Variants in CDH13 observed in about 807,000 individuals in gnomAD.
CDH13 encodes the protein cadherin 13.
In CDH13, 24 loss-of-function variants were observed where a neutral mutation model predicts 63.8. The observed-to-expected ratio is 0.38, with a 90% CI of 0.27 to 0.53. The LOEUF is 0.53. Among genes scored for constraint, CDH13 ranks in the 20% least tolerant of loss-of-function variants. The pLI is 0.85. For missense variants in CDH13, 1,049 were observed against 903.1 expected (o/e 1.16, Z -2.07); for synonymous variants, 503 against 355.3 (o/e 1.42, Z -4.67).
Position 82,644,110 on chromosome 16 carries a change from C to G in CDH13, c.45+16973C>G, listed in dbSNP as rs1178901571. On this transcript the variant is annotated intron_variant, in intron 1 of 13. Coordinates refer to ENST00000567109, the MANE Select transcript of CDH13 (RefSeq NM_001257.5). The surrounding 1 kb of genome is among the most constrained non-coding windows in gnomAD (Gnocchi z 5.7). ...AGAGGAGAGAAATCTAATTGATATG[C>G]TAATTGTCATTGTACTCAAGTTGAT... Among the ~76,000 whole-genome samples the G allele has an allele frequency of 6.6e-6, 1 of 152,196 alleles. No individual in the cohort carries two copies. The highest frequency in any genetic ancestry group is 2.4e-5 in the African/African-American group (1 of 41,520).
intron 8 of CDH13, among the ~76,000 whole-genome samples, chr16:83,664,568 A>G (rs1254209191): frequency 6.6e-6 from 1 of 150,824 alleles, no homozygotes; most frequent in East Asian, 1.9e-4. Flanking sequence ...ATATATATAT[A>G]TAGTGCACAC....
intron 6 of CDH13, among the ~76,000 whole-genome samples, chr16:83,396,326 T>C (rs549551613): frequency 6.6e-6 from 1 of 152,192 alleles, no homozygotes; most frequent in Non-Finnish European, 1.5e-5. Flanking sequence ...GATAAAACAC[T>C]GTGTCTGGCA....
At chr16:83,339,465 C>T (rs1289290520) in intron 5 of CDH13, among the ~76,000 whole-genome samples, 1 of 152,148 alleles carries the variant, frequency 6.6e-6, no homozygotes, top group African/African-American at 2.4e-5. Context: ...ACTTCAGACT[C>T]AGTACCAGCT....
intron 10 of CDH13, among the ~76,000 whole-genome samples, chr16:83,746,602 G>C (rs1912608631): frequency 6.6e-6 from 1 of 152,146 alleles, no homozygotes; most frequent in Non-Finnish European, 1.5e-5. Flanking sequence ...GTTAAATCAG[G>C]TTTTAAACAT....
chr16:83,627,647 C>G (rs764265083), intron 8 of CDH13, among the ~76,000 whole-genome samples: 25 of 152,128 alleles, frequency 1.6e-4, no homozygotes, highest in Non-Finnish European at 2.6e-4. Context: ...GCCTCTCAGG[C>G]TCAACCAATC....
chr16:82,786,141 G>A (rs371754814), intron 1 of CDH13, among the ~76,000 whole-genome samples: 1 of 152,204 alleles, frequency 6.6e-6, no homozygotes, highest in East Asian at 1.9e-4. Flanking sequence ...ATCAGAATGA[G>A]TCAGGGTGGA....
chr16:83,662,883 C>T (rs950550770), intron 8 of CDH13, among the ~76,000 whole-genome samples: 2 of 152,098 alleles, frequency 1.3e-5, no homozygotes, highest in African/African-American at 4.8e-5. Context: ...CAGGGAACCT[C>T]GGAGGATTGA....
chr16:82,929,516 G>T (rs552028485), intron 2 of CDH13, among the ~76,000 whole-genome samples: 1 of 151,662 alleles, frequency 6.6e-6, no homozygotes, highest in African/African-American at 2.4e-5. Context: ...GCTGGGCATG[G>T]TAGTGGGCGC....
chr16:83,174,471 T>C (rs2038044479), intron 4 of CDH13, among the ~76,000 whole-genome samples: 1 of 152,058 alleles, frequency 6.6e-6, no homozygotes, highest in Non-Finnish European at 1.5e-5. Flanking sequence ...CCACTCATAA[T>C]TCAGAATATT....
At chr16:83,011,530 T>C (rs1914155089) in intron 2 of CDH13, among the ~76,000 whole-genome samples, 1 of 152,162 alleles carries the variant, frequency 6.6e-6, no homozygotes, top group Non-Finnish European at 1.5e-5. Flanking sequence ...GGTCCTGTGC[T>C]TGAAAGGCTG....
intron 7 of CDH13, among the ~76,000 whole-genome samples, chr16:83,583,944 T>A (rs983155243): frequency 1.3e-5 from 2 of 151,778 alleles, no homozygotes. Flanking sequence ...AACAAAAATT[T>A]AAAAAAGCAG....
chr16:82,842,127 T>C (rs377363592), intron 1 of CDH13, among the ~76,000 whole-genome samples: 2 of 48,426 alleles, frequency 4.1e-5, no homozygotes, highest in African/African-American at 1.4e-4. Flanking sequence ...TATATATATA[T>C]ATATATATAT....
intron 1 of CDH13, among the ~76,000 whole-genome samples, chr16:82,640,989 A>C (rs999661452): frequency 1.2e-4 from 19 of 152,204 alleles, no homozygotes; most frequent in Non-Finnish European, 2.6e-4. Flanking sequence ...TAAGTTGGTA[A>C]ATGATCTCAA....
intron 2 of CDH13, among the ~76,000 whole-genome samples, chr16:83,001,426 G>C (rs909180699): frequency 2.0e-5 from 3 of 152,216 alleles, no homozygotes; most frequent in African/African-American, 7.2e-5. Context: ...AATGATAATG[G>C]ATATTTTTTC....
chr16:82,886,573 T>TTA (rs57766888), intron 2 of CDH13, among the ~76,000 whole-genome samples: 1 of 151,840 alleles, frequency 6.6e-6, no homozygotes, highest in African/African-American at 2.4e-5. Flanking sequence ...TTTTTTTTTT[T>TTA]ACATGTGGAG....
intron 6 of CDH13, among the ~76,000 whole-genome samples, chr16:83,373,081 C>T (rs1046327260): frequency 1.3e-5 from 2 of 152,078 alleles, no homozygotes; most frequent in African/African-American, 4.8e-5. Context: ...TTGGCTTTGA[C>T]AACTTTTCCA....
At chr16:83,547,247 G>C (rs1257094096) in intron 7 of CDH13, among the ~76,000 whole-genome samples, 1 of 152,240 alleles carries the variant, frequency 6.6e-6, no homozygotes, top group East Asian at 1.9e-4. Flanking sequence ...AGTGAGCCTG[G>C]ACCCAGGGGG....
chr16:82,727,358 A>G (rs1006893583), intron 1 of CDH13: 1 of 151,920 alleles, frequency 6.6e-6, no homozygotes, highest in Non-Finnish European at 1.5e-5. Flanking sequence ...AGATTGACTG[A>G]TTTTCGTTTT....
chr16:82,659,960 C>G (rs764865042), intron 1 of CDH13, among the ~76,000 whole-genome samples: 1 of 152,140 alleles, frequency 6.6e-6, no homozygotes, highest in Non-Finnish European at 1.5e-5. Context: ...AGTGACTCCC[C>G]ATTGAGAACC....
Sources: allele counts gnomAD v4.1 joint callset (sites outside exome capture counted in the v4.1 genomes callset), GRCh38; gene constraint gnomAD v4.1.1; non-coding constraint Gnocchi (gnomAD v3.1); transcripts MANE v1.5; gene names NCBI Gene and HGNC (gene_info 2026-07-23, HGNC 2026-07-21).